KNTC1: variants seen among roughly 807,000 people sequenced by gnomAD.
The protein encoded by KNTC1 is kinetochore-associated protein 1.
Under a neutral mutation model 314.4 loss-of-function variants are expected in KNTC1, and 253 were observed. That is an observed-to-expected ratio of 0.80 (90% CI 0.73 to 0.89). KNTC1 has a LOEUF of 0.89. Among genes scored for constraint, KNTC1 ranks in the 40% least tolerant of loss-of-function variants. KNTC1 has a pLI of 0.00. For synonymous variants in KNTC1, 901 were observed against 901.4 expected, an observed-to-expected ratio of 1.00 and a Z score of 0.01; for missense variants, 2,475 against 2,572.9, an observed-to-expected ratio of 0.96 and a Z score of 0.82.
At position 122,568,390 on chromosome 12, in the gene KNTC1, T is replaced by C; in HGVS notation, c.1716+18T>C. ...GACATCGGGTAACATGTTTTACATT[T>C]TTTCCTTAACAGCTTTATAGCTCCT... On this transcript the variant is annotated intron_variant, in intron 21 of 63. Coordinates refer to ENST00000333479, the MANE Select transcript of KNTC1 (RefSeq NM_014708.6). The C allele has an allele frequency of 7.1e-7, 1 of 1,399,924 alleles. No individual in the cohort carries two copies. The highest frequency in any genetic ancestry group is 1.2e-5 in the South Asian group (1 of 86,078). 86.7% of individuals were successfully genotyped at this position (1,399,924 alleles called of 1,614,324 possible).
At chr12:122,604,158 C>T (rs1593664588) in intron 48 of KNTC1, among the ~76,000 whole-genome samples, 1 of 148,400 alleles carries the variant, frequency 6.7e-6, no homozygotes, top group East Asian at 1.9e-4. Flanking sequence ...GATGAGAGGG[C>T]CCCGGTGGGC....
chr12:122,605,524 G>A, intron 51 of KNTC1, 109 bp downstream of exon 51: 1 of 585,000 alleles, frequency 1.7e-6, no homozygotes, highest in Non-Finnish European at 3.1e-6. Context: ...TAGGAGCGCA[G>A]ACTCTTCAAA....
At chr12:122,616,907 A>G (rs777120115) in intron 57 of KNTC1, among the ~76,000 whole-genome samples, 20 of 152,052 alleles carry the variant, frequency 1.3e-4, no homozygotes, top group Non-Finnish European at 2.5e-4. Context: ...CACTCCCTCC[A>G]GCCCCCAGTG....
intron 44 of KNTC1, among the ~76,000 whole-genome samples, chr12:122,600,954 C>T (rs1030382327): frequency 2.0e-5 from 3 of 152,154 alleles, no homozygotes; most frequent in Non-Finnish European, 2.9e-5. Context: ...GCAAGAGCAT[C>T]CTTCTTTATT....
At chr12:122,602,486 T>G (rs1872055965) in intron 45 of KNTC1, 83 bp from the exon 46 acceptor site, 2 of 818,624 alleles carry the variant, frequency 2.4e-6, no homozygotes, top group Admixed American at 3.1e-5. Flanking sequence ...ATGGAAACTT[T>G]TGATGGTATA....
rs771235904 is a variant in KNTC1 at position 122,561,930 on chromosome 12, AAAG to A, written c.1503_1505del (p.Glu501del). ...TATTATTCTTACTTAGCTTTTGAAG[AAAG>A]AAGATAAAACTGCTCTCATTTATTC... On this transcript the variant is annotated inframe_deletion, in exon 19 of 64. Transcript: ENST00000333479. 3.8e-6 allele frequency: 6 copies of A among 1,581,286 alleles called. No homozygotes were observed. In the Admixed American group the frequency reaches 1.0e-4, roughly 27 times the overall value.
intron 6 of KNTC1, 64 bp from the exon 7 acceptor site, chr12:122,543,536 A>G (rs1167081833): frequency 1.7e-5 from 20 of 1,165,262 alleles, no homozygotes; most frequent in Non-Finnish European, 1.5e-5. Flanking sequence ...GACACAAAAC[A>G]GGTGACTTGT....
At chr12:122,605,207 A>ATACT (rs1872453395) in intron 50 of KNTC1, 99 bp from the exon 51 acceptor site, 2 of 1,063,366 alleles carry the variant, frequency 1.9e-6, no homozygotes, top group African/African-American at 1.6e-5. Context: ...GTATATACTT[A>ATACT]TATGTGTATG....
At chr12:122,564,570 TGA>T (rs1964181460) in intron 20 of KNTC1, among the ~76,000 whole-genome samples, 2 of 151,856 alleles carry the variant, frequency 1.3e-5, no homozygotes, top group Non-Finnish European at 2.9e-5. Context: ...TCCTCCCTGG[TGA>T]TCCTCCTACC....
chr12:122,570,087 G>A (rs1470394539), intron 22 of KNTC1, among the ~76,000 whole-genome samples: 2 of 152,274 alleles, frequency 1.3e-5, no homozygotes, highest in Admixed American at 1.3e-4. Flanking sequence ...TCACTTATTT[G>A]TGGGATCTAA....
chr12:122,621,816 A>G (rs1466738285), intron 60 of KNTC1, 65 bp from the exon 61 acceptor site: 2 of 1,058,282 alleles, frequency 1.9e-6, no homozygotes, highest in Non-Finnish European at 2.8e-6. Flanking sequence ...TACCTGATCA[A>G]CGGCTCTTGC....
At chr12:122,537,102 CT>C (rs1430744342) in intron 3 of KNTC1, among the ~76,000 whole-genome samples, 1 of 152,158 alleles carries the variant, frequency 6.6e-6, no homozygotes, top group African/African-American at 2.4e-5. Context: ...TATTGTTTTT[CT>C]GTCTTGTCCC....
In KNTC1 at chr12:122,605,102, A is replaced by G. The variant is rs750479704; in HGVS notation, c.5386+15A>G. On this transcript the variant is annotated intron_variant, in intron 50 of 63. Coordinates refer to ENST00000333479, the MANE Select transcript of KNTC1 (RefSeq NM_014708.6). ...AGATTATCCTGGTGAGGACAAAACA[A>G]TTTTTTTGTTGTCCAAGAAAAGCTA... 11 of 1,589,352 alleles carry G rather than the reference A, an allele frequency of 6.9e-6. No homozygotes were observed. The highest frequency in any genetic ancestry group is 2.7e-5 in the African/African-American group (2 of 74,292).
chr12:122,532,685 C>A (rs1961457417), intron 2 of KNTC1, among the ~76,000 whole-genome samples: 1 of 152,154 alleles, frequency 6.6e-6, no homozygotes, highest in East Asian at 1.9e-4. Context: ...TTTTGAACAT[C>A]TGCTATGTTC....
At chr12:122,604,804 A>G in intron 49 of KNTC1, 73 bp from the exon 50 acceptor site, 1 of 1,437,532 alleles carries the variant, frequency 7.0e-7, no homozygotes, top group Non-Finnish European at 9.6e-7. Flanking sequence ...ATTGTGATTG[A>G]TAAAGATGGA....
At chr12:122,626,103 G>C (rs540161678) in intron 63 of KNTC1, 102 bp from the exon 64 acceptor site, 2 of 792,744 alleles carry the variant, frequency 2.5e-6, no homozygotes, top group African/African-American at 3.5e-5. Context: ...TTGATATGTA[G>C]ATTTGTATCA....
chr12:122,625,707 G>A (rs1016558422), intron 63 of KNTC1, among the ~76,000 whole-genome samples: 2 of 152,018 alleles, frequency 1.3e-5, no homozygotes, highest in African/African-American at 4.8e-5. Context: ...ACATTTTGCT[G>A]TACATTCTTC....
At chr12:122,564,469 G>A (rs1054142410) in intron 20 of KNTC1, among the ~76,000 whole-genome samples, 3 of 151,940 alleles carry the variant, frequency 2.0e-5, no homozygotes, top group Non-Finnish European at 2.9e-5. Context: ...TAGAATTAAA[G>A]GGTCCTAAAA....
At chr12:122,532,991 C>T (rs1476520215) in intron 2 of KNTC1, among the ~76,000 whole-genome samples, 2 of 152,192 alleles carry the variant, frequency 1.3e-5, no homozygotes, top group Non-Finnish European at 1.5e-5. Flanking sequence ...AGGAGAATGG[C>T]GTGAGCCCAG....
Sources: gnomAD v4.1 joint callset for allele counts (sites outside exome capture counted in the v4.1 genomes callset) on GRCh38, gnomAD v4.1.1 for gene constraint, MANE v1.5 for transcripts, NCBI Gene and HGNC (gene_info 2026-07-23, HGNC 2026-07-21) for gene names.